Variants in OPCML observed in about 807,000 individuals in gnomAD.
The protein encoded by OPCML is opioid-binding protein/cell adhesion molecule.
OPCML carries 13 observed loss-of-function variants against 37.8 expected under a neutral mutation model. The ratio of observed to expected loss-of-function variants is 0.34; its 90% CI spans 0.22 to 0.55. The LOEUF is 0.55. OPCML is among the 20% of genes least tolerant of loss of function. The probability of loss-of-function intolerance (pLI) is 0.91; values close to 1 mark genes in which losing one functional copy is unlikely to be tolerated. For synonymous variants in OPCML, 176 were observed against 168.8 expected, an observed-to-expected ratio of 1.04 and a Z score of -0.33; for missense variants, 341 against 435.6, an observed-to-expected ratio of 0.78 and a Z score of 1.93.
chr11:132,822,357 G>C (rs1436398216), intron 2 of OPCML, among the ~76,000 whole-genome samples: 12 of 152,066 alleles, frequency 7.9e-5, no homozygotes, highest in Non-Finnish European at 1.5e-5. Flanking sequence ...ATTTGTAAAT[G>C]CATGAATAAC....
At chr11:133,061,407 A>T (rs1457144706) in intron 1 of OPCML, among the ~76,000 whole-genome samples, 3 of 152,192 alleles carry the variant, frequency 2.0e-5, no homozygotes, top group Non-Finnish European at 2.9e-5. Context: ...TATGGGGAGA[A>T]GGGAAGTGGG....
intron 2 of OPCML, among the ~76,000 whole-genome samples, chr11:132,800,571 T>C (rs578007474): frequency 3.3e-5 from 5 of 152,256 alleles, no homozygotes; most frequent in Non-Finnish European, 5.9e-5. Flanking sequence ...CTTTATCAAG[T>C]TGAGAAGGTC....
rs958947049 is a variant in OPCML, at chr11:132,415,303, C to T, written c.*4890G>A. 3 of 152,554 alleles carry T rather than the reference C, an allele frequency of 2.0e-5. No homozygotes were observed. The East Asian group carries it at 5.8e-4, about 29-fold the overall frequency. 9.5% of individuals were successfully genotyped at this position (152,554 alleles called of 1,614,324 possible). On this transcript the variant is annotated 3_prime_UTR_variant, in exon 8 of 8. Coordinates refer to ENST00000524381, the MANE Select transcript of OPCML (RefSeq NM_001012393.5). ...TGGGCACACCCATTGTCTGACACAG[C>T]TATAACGGCACCATTGATAAGTCAT...
rs182358714 is a variant in OPCML at position 133,140,715 on chromosome 11, G to A, written c.62-197705C>T. Reference sequence around the variant, plus strand: ...AAGACGGAAGAAGAAGACGGAAGACGAAGACGGAAGACGACGACGACGACG... The same window carrying A: ...AAGACGGAAGAAGAAGACGGAAGACAAAGACGGAAGACGACGACGACGACG... On this transcript the variant is annotated intron_variant, in intron 1 of 7. Coordinates refer to ENST00000524381, the MANE Select transcript of OPCML (RefSeq NM_001012393.5). Among the ~76,000 whole-genome samples the A allele has an allele frequency of 8.9e-3, 201 of 22,460 alleles. 1 individual carries two copies. The highest frequency in any genetic ancestry group is 0.016 in the African/African-American group (197 of 11,988). 14.7% of individuals were successfully genotyped at this position (22,460 alleles called of 152,430 possible).
chr11:132,485,119 T>C (rs1441400444), intron 4 of OPCML, among the ~76,000 whole-genome samples: 1 of 151,996 alleles, frequency 6.6e-6, no homozygotes, highest in Non-Finnish European at 1.5e-5. Context: ...TAGTTCTTAA[T>C]ATCACTGTTC....
intron 6 of OPCML, 78 bp from the exon 7 acceptor site, chr11:132,436,315 A>C: frequency 1.2e-6 from 2 of 1,607,650 alleles, no homozygotes; most frequent in South Asian, 1.1e-5. Context: ...TCTCCAACTA[A>C]TCTCGTCCTT....
At chr11:133,036,822 G>A (rs1215797676) in intron 1 of OPCML, among the ~76,000 whole-genome samples, 4 of 152,198 alleles carry the variant, frequency 2.6e-5, no homozygotes, top group Admixed American at 1.3e-4. Context: ...TGGGAGGGCA[G>A]CCTGGTTTAT....
At chr11:132,871,550 G>C (rs1942794715) in intron 2 of OPCML, among the ~76,000 whole-genome samples, 1 of 152,192 alleles carries the variant, frequency 6.6e-6, no homozygotes, top group Non-Finnish European at 1.5e-5. Context: ...TTTGGGTATA[G>C]GTGGAAGGTC....
chr11:133,321,600 T>C (rs1222936891), intron 1 of OPCML, among the ~76,000 whole-genome samples: 3 of 152,186 alleles, frequency 2.0e-5, no homozygotes, highest in Non-Finnish European at 4.4e-5. Context: ...GACAGGCATG[T>C]TACACTGCAA....
At chr11:132,548,414 C>T (rs555419079) in intron 3 of OPCML, among the ~76,000 whole-genome samples, 10 of 152,282 alleles carry the variant, frequency 6.6e-5, no homozygotes, top group African/African-American at 2.2e-4. Flanking sequence ...TGGTGACCCT[C>T]CTGGCCCTGG....
At chr11:133,531,826 C>G (rs1034117655) in intron 1 of OPCML, among the ~76,000 whole-genome samples, 5 of 151,854 alleles carry the variant, frequency 3.3e-5, no homozygotes, top group Non-Finnish European at 7.4e-5. Context: ...GATTCAGAAA[C>G]AGAGAGAGAC....
chr11:132,979,745 G>A (rs1946543754), intron 1 of OPCML, among the ~76,000 whole-genome samples: 1 of 152,226 alleles, frequency 6.6e-6, no homozygotes, highest in South Asian at 2.1e-4. Context: ...GTGGTCTTCA[G>A]AACGTAAGTA....
intron 1 of OPCML, among the ~76,000 whole-genome samples, chr11:133,001,298 GCACA>G (rs991385356): frequency 6.6e-6 from 1 of 151,970 alleles, no homozygotes; most frequent in Admixed American, 6.6e-5. Context: ...TTACACATGT[GCACA>G]CACACACAGA....
intron 2 of OPCML, among the ~76,000 whole-genome samples, chr11:132,924,992 G>A (rs886933971): frequency 3.3e-5 from 5 of 152,054 alleles, no homozygotes; most frequent in African/African-American, 1.2e-4. Context: ...AGTTTCAAAG[G>A]TTTCCACTGG....
chr11:133,518,567 G>T (rs1486417939), intron 1 of OPCML, among the ~76,000 whole-genome samples: 2 of 152,104 alleles, frequency 1.3e-5, no homozygotes, highest in Non-Finnish European at 2.9e-5. Context: ...AAGTGTGTGT[G>T]TGCCTATGGC....
At chr11:133,323,799 G>A (rs1943388649) in intron 1 of OPCML, among the ~76,000 whole-genome samples, 1 of 152,206 alleles carries the variant, frequency 6.6e-6, no homozygotes, top group Non-Finnish European at 1.5e-5. Flanking sequence ...TCCTGGTAAG[G>A]TGGGGCATGC....
intron 2 of OPCML, among the ~76,000 whole-genome samples, chr11:132,887,817 T>A (rs1195648592): frequency 6.6e-6 from 1 of 152,224 alleles, no homozygotes; most frequent in South Asian, 2.1e-4. Context: ...CTGCCAGATC[T>A]TCTACTACGC....
At chr11:132,490,534 C>T (rs191435790) in intron 4 of OPCML, among the ~76,000 whole-genome samples, 57 of 144,828 alleles carry the variant, frequency 3.9e-4, no homozygotes, top group Admixed American at 1.6e-3. Flanking sequence ...CTTCCATCTT[C>T]CGGCCTGACC....
At chr11:132,979,804 G>A (rs955250221) in intron 1 of OPCML, among the ~76,000 whole-genome samples, 1 of 152,168 alleles carries the variant, frequency 6.6e-6, no homozygotes, top group African/African-American at 2.4e-5. Flanking sequence ...GAATTTGCTG[G>A]GAGAGCAGCT....
Sources: allele counts gnomAD v4.1 joint callset (sites outside exome capture counted in the v4.1 genomes callset), GRCh38; gene constraint gnomAD v4.1.1; transcripts MANE v1.5; gene names NCBI Gene and HGNC (gene_info 2026-07-23, HGNC 2026-07-21).